Variants in ADGRL3 observed in about 807,000 individuals in gnomAD.
ADGRL3 encodes the protein adhesion G protein-coupled receptor L3.
Under a neutral mutation model 153.5 loss-of-function variants are expected in ADGRL3, and 62 were observed. The ratio of observed to expected loss-of-function variants is 0.40; its 90% CI spans 0.33 to 0.50. The LOEUF (loss-of-function observed/expected upper bound fraction) is 0.50, where lower values mean the gene tolerates loss of function less well. ADGRL3 is among the 20% of genes least tolerant of loss of function. The probability of loss-of-function intolerance (pLI) is 0.47; values close to 1 mark genes in which losing one functional copy is unlikely to be tolerated. For missense variants in ADGRL3, 1,641 were observed against 1,859.4 expected, an observed-to-expected ratio of 0.88 and a Z score of 2.16; for synonymous variants, 710 against 672.5, an observed-to-expected ratio of 1.06 and a Z score of -0.86.
intron 1 of ADGRL3, among the ~76,000 whole-genome samples, chr4:61,258,045 C>T (rs2092158615): frequency 6.6e-6 from 1 of 152,158 alleles, no homozygotes; most frequent in African/African-American, 2.4e-5. Flanking sequence ...CCCCCATCTT[C>T]CTCCAGGACT....
chr4:61,955,702 A>G (rs993933672), intron 17 of ADGRL3, among the ~76,000 whole-genome samples: 1 of 151,868 alleles, frequency 6.6e-6, no homozygotes, highest in African/African-American at 2.4e-5. Context: ...CAATCCCACA[A>G]CAGGGCCTGG....
intron 4 of ADGRL3, among the ~76,000 whole-genome samples, chr4:61,521,294 A>G (rs1174083033): frequency 6.6e-6 from 1 of 152,164 alleles, no homozygotes; most frequent in Non-Finnish European, 1.5e-5. Flanking sequence ...ACGAAACAGC[A>G]ACACAAGGGC....
intron 5 of ADGRL3, among the ~76,000 whole-genome samples, chr4:61,627,594 C>T (rs113844325): frequency 6.6e-6 from 1 of 152,190 alleles, no homozygotes; most frequent in African/African-American, 2.4e-5. Context: ...GCACTCCAGC[C>T]TGGGCAACAG....
At chr4:61,520,494 C>T (rs1250966391) in intron 4 of ADGRL3, among the ~76,000 whole-genome samples, 1 of 152,150 alleles carries the variant, frequency 6.6e-6, no homozygotes, top group East Asian at 1.9e-4. Context: ...TAAAGTTCAT[C>T]TTTTGCAAGA....
chr4:61,385,678 C>T (rs2096727707), intron 2 of ADGRL3: 1 of 152,134 alleles, frequency 6.6e-6, no homozygotes, highest in Non-Finnish European at 1.5e-5. Context: ...CCACAGCAAA[C>T]ATATCTAAGT....
intron 11 of ADGRL3, among the ~76,000 whole-genome samples, chr4:61,902,506 C>T (rs1274727545): frequency 6.6e-6 from 1 of 152,136 alleles, no homozygotes; most frequent in African/African-American, 2.4e-5. Flanking sequence ...CCTATTTAAG[C>T]TCTTCAGGAC....
chr4:61,770,929 T>C (rs2097077578), intron 8 of ADGRL3, among the ~76,000 whole-genome samples: 1 of 152,160 alleles, frequency 6.6e-6, no homozygotes. Flanking sequence ...TTAGCTCAAC[T>C]AGATTTGGGT....
At chr4:61,645,575 G>T (rs1195081793) in intron 5 of ADGRL3, among the ~76,000 whole-genome samples, 4 of 152,046 alleles carry the variant, frequency 2.6e-5, no homozygotes, top group African/African-American at 7.2e-5. Context: ...GAAATTCTGG[G>T]TTGAAAATTC....
intron 8 of ADGRL3, among the ~76,000 whole-genome samples, chr4:61,803,759 A>AAAG (rs1429994073): frequency 6.6e-6 from 1 of 152,038 alleles, no homozygotes; most frequent in Non-Finnish European, 1.5e-5. Flanking sequence ...ACTAAAGTCT[A>AAAG]ATACACAGTA....
At chr4:61,682,876 C>G (rs2095366975) in intron 6 of ADGRL3, among the ~76,000 whole-genome samples, 1 of 152,202 alleles carries the variant, frequency 6.6e-6, no homozygotes, top group African/African-American at 2.4e-5. Flanking sequence ...ATACCAGGCA[C>G]TATAATAAAA....
chr4:61,974,518 G>T (rs1459809205), intron 17 of ADGRL3, among the ~76,000 whole-genome samples: 2 of 152,072 alleles, frequency 1.3e-5, no homozygotes, highest in Non-Finnish European at 2.9e-5. Context: ...AATACATTCA[G>T]ATTTAAAAAA....
chr4:61,692,862 A>G (rs893129354), intron 6 of ADGRL3, among the ~76,000 whole-genome samples: 12 of 152,138 alleles, frequency 7.9e-5, no homozygotes, highest in Admixed American at 3.9e-4. Context: ...TCCTTTAACA[A>G]ACATCTAGTG....
At chr4:61,329,565 A>T (rs768400842) in intron 1 of ADGRL3, among the ~76,000 whole-genome samples, 1 of 152,192 alleles carries the variant, frequency 6.6e-6, no homozygotes, top group Non-Finnish European at 1.5e-5. Context: ...CTTGGCAGCT[A>T]CACAAAAATA....
chr4:61,372,522 C>A (rs1470272440), intron 1 of ADGRL3, among the ~76,000 whole-genome samples: 2 of 152,158 alleles, frequency 1.3e-5, no homozygotes, highest in South Asian at 2.1e-4. Context: ...GCTCATGGTG[C>A]CTACCAGTTA....
intron 24 of ADGRL3, among the ~76,000 whole-genome samples, chr4:62,043,907 C>A (rs1010998848): frequency 6.6e-6 from 1 of 151,886 alleles, no homozygotes; most frequent in Non-Finnish European, 1.5e-5. Flanking sequence ...GTTATGTAAT[C>A]CCTAAAATTA....
intron 19 of ADGRL3, among the ~76,000 whole-genome samples, chr4:61,992,618 G>C (rs1398252644): frequency 1.3e-5 from 2 of 152,150 alleles, no homozygotes; most frequent in Middle Eastern, 3.2e-3. Context: ...AGCCCTCATG[G>C]AGGGATGATT....
At chr4:61,810,009 A>G (rs983616779) in intron 8 of ADGRL3, among the ~76,000 whole-genome samples, 1 of 152,148 alleles carries the variant, frequency 6.6e-6, no homozygotes, top group Non-Finnish European at 1.5e-5. Flanking sequence ...GTTGGGTTAT[A>G]TGACTAATAA....
intron 4 of ADGRL3, among the ~76,000 whole-genome samples, chr4:61,532,549 CGCGCGCGT>C (rs1416149916): frequency 1.9e-5 from 2 of 103,670 alleles, no homozygotes; most frequent in Non-Finnish European, 4.0e-5. Flanking sequence ...CGCGCGCGCG[CGCGCGCGT>C]GTGTGTGTGT....
intron 13 of ADGRL3, among the ~76,000 whole-genome samples, chr4:61,923,202 T>G (rs1398888834): frequency 6.6e-6 from 1 of 152,146 alleles, no homozygotes; most frequent in Non-Finnish European, 1.5e-5. Context: ...TTGACCAGGG[T>G]CATGACATAT....
Sources: allele counts gnomAD v4.1 joint callset (sites outside exome capture counted in the v4.1 genomes callset), GRCh38; gene constraint gnomAD v4.1.1; transcripts MANE v1.5; gene names NCBI Gene and HGNC (gene_info 2026-07-23, HGNC 2026-07-21).